The following HECW2 variants were observed in gnomAD, a reference collection of about 807,000 sequenced individuals.
HECW2 encodes HECT, C2 and WW domain containing E3 ubiquitin protein ligase 2.
In HECW2, 61 loss-of-function variants were observed where a neutral mutation model predicts 175.2. That is an observed-to-expected ratio of 0.35 (90% CI 0.28 to 0.43). HECW2 has a LOEUF of 0.43. Ranked by LOEUF, HECW2 falls within the 20% of genes least tolerant of loss-of-function variation. The pLI is 1.00. For synonymous variants in HECW2, 671 were observed against 731.0 expected (o/e 0.92, Z 1.32); for missense variants, 1,524 against 2,000.5 (o/e 0.76, Z 4.54).
At chr2:196,250,925 A>G (rs1688828864) in intron 19 of HECW2, among the ~76,000 whole-genome samples, 3 of 152,250 alleles carry the variant, frequency 2.0e-5, no homozygotes, top group Middle Eastern at 6.8e-3. Flanking sequence ...TCTGTCACCA[A>G]TCATGATCCG....
chr2:196,205,652 A>T lies in HECW2; in HGVS notation c.4608-4264T>A, dbSNP rs1282310932. Among the ~76,000 whole-genome samples the T allele has an allele frequency of 2.0e-5, 3 of 152,154 alleles. No individual in the cohort carries two copies. The East Asian group carries it at 5.8e-4, about 29-fold the overall frequency. On this transcript the variant is annotated intron_variant, in intron 28 of 28. Coordinates refer to ENST00000644978, the MANE Select transcript of HECW2 (RefSeq NM_001348768.2). ...GCAAATACTCAAAAGGATACTTTAG[A>T]GTGTATCAAAATCACTCCAGGAGCT...
rs1303563458 is a variant in HECW2, at chr2:196,318,666, T to TC, written c.2223dup (p.Ser742GlufsTer27). The TC allele has an allele frequency of 1.3e-6, 2 of 1,599,048 alleles. No individual in the cohort carries two copies. The highest frequency in any genetic ancestry group is 1.3e-5 in the African/African-American group (1 of 74,278). On this transcript the variant is annotated frameshift_variant, in exon 9 of 29. Coordinates refer to ENST00000644978, the MANE Select transcript of HECW2 (RefSeq NM_001348768.2). LOFTEE classifies it high-confidence loss of function. ...GCAGCAGCTGCAGCTCCCTCCAGGC[T>TC]CCCCCTCCGCTGCCAGACCTCCCCC...
chr2:196,475,400 G>T (rs1276706792), intron 1 of HECW2, among the ~76,000 whole-genome samples: 1 of 148,290 alleles, frequency 6.7e-6, no homozygotes, highest in Non-Finnish European at 1.5e-5. Flanking sequence ...GAGAAAGAGA[G>T]TGAAGGGAGG....
chr2:196,433,580 G>A, intron 1 of HECW2, 122 bp from the exon 2 acceptor site: 2 of 720,772 alleles, frequency 2.8e-6, no homozygotes, highest in Admixed American at 6.0e-5. Flanking sequence ...ATCTTCTGTT[G>A]TCAAAATAAA....
chr2:196,536,017 A>T (rs551734950), intron 1 of HECW2, among the ~76,000 whole-genome samples: 1 of 152,310 alleles, frequency 6.6e-6, no homozygotes, highest in South Asian at 2.1e-4. Flanking sequence ...AGAGGAAAAA[A>T]TGGTTGATAG....
chr2:196,242,406 G>A, intron 19 of HECW2: 1 of 589,004 alleles, frequency 1.7e-6, no homozygotes, highest in Non-Finnish European at 2.9e-6. Context: ...TGGCATTTTG[G>A]TTGAGAATAA....
At position 196,398,733 on chromosome 2, in the gene HECW2, T is replaced by C. The variant is rs561633498; in HGVS notation, c.292+34399A>G. Among the ~76,000 whole-genome samples the C allele has an allele frequency of 2.0e-5, 3 of 152,344 alleles. No homozygotes were observed. The East Asian group carries it at 5.8e-4, about 29-fold the overall frequency. ...TCTTCTGATACCTTGTATCCCCATA[T>C]CTGGTTTCCCCAGTGAGAGCAAAAG... On this transcript the variant is annotated intron_variant, in intron 2 of 28. Coordinates refer to ENST00000644978, the MANE Select transcript of HECW2 (RefSeq NM_001348768.2).
At chr2:196,267,928 G>T (rs1029478084) in intron 17 of HECW2, among the ~76,000 whole-genome samples, 8 of 152,168 alleles carry the variant, frequency 5.3e-5, no homozygotes, top group African/African-American at 1.9e-4. Flanking sequence ...GTTGGTACTG[G>T]GAGTCCTTGC....
At chr2:196,439,005 T>C (rs751208471) in intron 1 of HECW2, among the ~76,000 whole-genome samples, 4 of 152,176 alleles carry the variant, frequency 2.6e-5, no homozygotes, top group Non-Finnish European at 5.9e-5. Flanking sequence ...TACAAACTTT[T>C]CCTAAGTGAT....
At chr2:196,377,130 G>A (rs781053890) in intron 2 of HECW2, among the ~76,000 whole-genome samples, 12 of 152,082 alleles carry the variant, frequency 7.9e-5, no homozygotes, top group East Asian at 1.9e-4. Flanking sequence ...AAAGCTATCC[G>A]CTAGTTAGTG....
rs74348764 is a variant in HECW2 at position 196,366,740 on chromosome 2, A to G, written c.293-22976T>C. Among the ~76,000 whole-genome samples the G allele has an allele frequency of 4.9e-3, 753 of 152,334 alleles. 13 individuals are homozygous for G. The highest frequency in any genetic ancestry group is 0.017 in the African/African-American group (720 of 41,580). ...TTTGTGTTAACGTTGCATTAACTCCATATTAATGGAAACACAAATGTTTCC... is the reference window on the plus strand; with the variant it reads ...TTTGTGTTAACGTTGCATTAACTCCGTATTAATGGAAACACAAATGTTTCC... On this transcript the variant is annotated intron_variant, in intron 2 of 28. Coordinates refer to ENST00000644978, the MANE Select transcript of HECW2 (RefSeq NM_001348768.2).
At chr2:196,403,135 T>C (rs1200109226) in intron 2 of HECW2, among the ~76,000 whole-genome samples, 1 of 152,214 alleles carries the variant, frequency 6.6e-6, no homozygotes, top group Non-Finnish European at 1.5e-5. Context: ...TCTGTCATTC[T>C]TTCCACTGAT....
intron 1 of HECW2, among the ~76,000 whole-genome samples, chr2:196,562,226 C>A (rs1434266557): frequency 1.3e-5 from 2 of 152,112 alleles, no homozygotes; most frequent in Non-Finnish European, 2.9e-5. Flanking sequence ...CCTTCCCTTT[C>A]CCAGCTTTAA....
chr2:196,401,942 T>G (rs1054188076), intron 2 of HECW2, among the ~76,000 whole-genome samples: 2 of 152,052 alleles, frequency 1.3e-5, no homozygotes, highest in African/African-American at 4.8e-5. Context: ...GGCTCACGCC[T>G]GTAATCCCAG....
intron 1 of HECW2, among the ~76,000 whole-genome samples, chr2:196,444,697 G>A (rs931031457): frequency 6.6e-6 from 1 of 152,182 alleles, no homozygotes; most frequent in African/African-American, 2.4e-5. Flanking sequence ...AGCAGGGAAG[G>A]AACCAAGTTG....
At chr2:196,531,005 T>C (rs1688821653) in intron 1 of HECW2, among the ~76,000 whole-genome samples, 1 of 152,202 alleles carries the variant, frequency 6.6e-6, no homozygotes, top group African/African-American at 2.4e-5. Context: ...CAGTTCTCAC[T>C]TCCTCCGCAA....
chr2:196,456,290 G>A (rs1478739303), intron 1 of HECW2, among the ~76,000 whole-genome samples: 2 of 152,054 alleles, frequency 1.3e-5, no homozygotes, highest in African/African-American at 4.8e-5. Flanking sequence ...AAGTCCAAAG[G>A]CAAAATTGTA....
At chr2:196,299,032 C>T (rs1178859664) in intron 13 of HECW2, among the ~76,000 whole-genome samples, 5 of 152,154 alleles carry the variant, frequency 3.3e-5, no homozygotes, top group Admixed American at 3.3e-4. Context: ...TCCATTAATT[C>T]ATACCTTGAG....
At chr2:196,238,042 TAAAGAG>T (rs1004818586) in intron 21 of HECW2, among the ~76,000 whole-genome samples, 2 of 152,096 alleles carry the variant, frequency 1.3e-5, no homozygotes, top group African/African-American at 2.4e-5. Flanking sequence ...TTAGAATTGG[TAAAGAG>T]AAAGTAACAG....
Sources: allele counts gnomAD v4.1 joint callset (sites outside exome capture counted in the v4.1 genomes callset), GRCh38; gene constraint gnomAD v4.1.1; transcripts MANE v1.5; gene names NCBI Gene and HGNC (gene_info 2026-07-23, HGNC 2026-07-21).